Variants in TLN2 observed in about 807,000 individuals in gnomAD.
TLN2 encodes the protein talin 2.
A neutral mutation model predicts 294.7 loss-of-function variants in TLN2; 118 were observed. That is an observed-to-expected ratio of 0.40 (90% confidence interval 0.34 to 0.47). TLN2 has a LOEUF of 0.47. TLN2 is among the 20% of genes least tolerant of loss of function. TLN2 has a pLI of 0.84. For missense variants in TLN2, 3,083 were observed against 3,282.2 expected (o/e 0.94, Z 1.48); for synonymous variants, 1,431 against 1,304.5 (o/e 1.10, Z -2.09).
intron 1 of TLN2, among the ~76,000 whole-genome samples, chr15:62,467,688 A>G (rs1485950329): frequency 6.6e-6 from 1 of 152,178 alleles, no homozygotes; most frequent in East Asian, 1.9e-4. Flanking sequence ...CTGTCTCAAA[A>G]AAAAAATTAG....
At chr15:62,715,738 C>G (rs2059728303) in intron 22 of TLN2, among the ~76,000 whole-genome samples, 1 of 152,190 alleles carries the variant, frequency 6.6e-6, no homozygotes, top group African/African-American at 2.4e-5. Context: ...ACCATCTCGA[C>G]TTTATACTAG....
chr15:62,510,531 T>G (rs2039872656), intron 1 of TLN2, among the ~76,000 whole-genome samples: 1 of 152,240 alleles, frequency 6.6e-6, no homozygotes, highest in African/African-American at 2.4e-5. Context: ...ACATACTACT[T>G]TGAGCTGGGC....
chr15:62,699,776 G>A (rs561256571), intron 16 of TLN2, among the ~76,000 whole-genome samples: 22 of 152,344 alleles, frequency 1.4e-4, no homozygotes, highest in Non-Finnish European at 2.4e-4. Context: ...TGCTTTGTAC[G>A]TTAGAATCAT....
rs56986714 is a variant in TLN2 at position 62,551,513 on chromosome 15, TACACACACACACACACAC to T, written c.-237-38156_-237-38139del. Reference sequence around the variant, plus strand: ...AGTGAAAGCCAATCTCTACTAAAAATACACACACACACACACACACACACACACACACACAAATAGCCA... The same window carrying T: ...AGTGAAAGCCAATCTCTACTAAAAATACACACACACACACACAAATAGCCA... On this transcript the variant is annotated intron_variant, in intron 1 of 58. Transcript: ENST00000636159. 2.0e-5 allele frequency among the ~76,000 whole-genome samples: 3 copies of T among 146,986 alleles called. 1 individual carries two copies. Among genetic ancestry groups the T allele is most frequent in the African/African-American group, 7.6e-5 (3 of 39,668 alleles).
chr15:62,711,807 T>A lies in TLN2; in HGVS notation c.2468-104T>A, dbSNP rs1387383518. On this transcript the variant is annotated intron_variant, in intron 21 of 58. Coordinates refer to ENST00000636159, the MANE Select transcript of TLN2 (RefSeq NM_015059.3). ...GAGCATGGAGGTTCAGTTTTTTTGC[T>A]CCTGCTTACCAGAGGAGTAGAGACA... is the stretch of plus-strand genomic sequence containing the variant. 6 of 1,334,164 alleles carry A rather than the reference T, an allele frequency of 4.5e-6. No homozygotes were observed. In the Admixed American group the frequency reaches 1.5e-4, roughly 34 times the overall value. 82.6% of individuals were successfully genotyped at this position (1,334,164 alleles called of 1,614,324 possible).
At chr15:62,409,551 G>C (rs562365106) in intron 1 of TLN2, among the ~76,000 whole-genome samples, 1 of 152,212 alleles carries the variant, frequency 6.6e-6, no homozygotes, top group East Asian at 1.9e-4. Flanking sequence ...TTTTAAGATA[G>C]CCTTTTAAAA....
chr15:62,667,908 A>G (rs2140989854), intron 9 of TLN2, among the ~76,000 whole-genome samples: 1 of 152,374 alleles, frequency 6.6e-6, no homozygotes, highest in Non-Finnish European at 1.5e-5. Flanking sequence ...ACATGGATGG[A>G]CCTAGAGGAC....
chr15:62,586,526 T>C (rs943442676), intron 1 of TLN2, among the ~76,000 whole-genome samples: 1 of 152,226 alleles, frequency 6.6e-6, no homozygotes, highest in Non-Finnish European at 1.5e-5. Context: ...TCCTAAACTT[T>C]TACAAATAAA....
chr15:62,699,415 C>G (rs2058572413), intron 16 of TLN2, among the ~76,000 whole-genome samples: 1 of 151,726 alleles, frequency 6.6e-6, no homozygotes, highest in African/African-American at 2.4e-5. Flanking sequence ...TGGGTAGGGC[C>G]TGAGATTTTG....
rs1165208232 is a variant in TLN2 at position 62,630,261 on chromosome 15, A to G, written c.-37+11786A>G. Among the ~76,000 whole-genome samples the G allele has an allele frequency of 2.6e-5, 4 of 152,196 alleles. No homozygotes were observed. The East Asian group carries it at 5.8e-4, about 22-fold the overall frequency. ...TTAGGTATCAGAAGAGAGATCCAGA[A>G]AACAGACTTGGGTTTTAGACTAGAT... On this transcript the variant is annotated intron_variant, in intron 3 of 58. Transcript: ENST00000636159.
chr15:62,674,674 G>GT (rs1390154395), intron 10 of TLN2, among the ~76,000 whole-genome samples: 2 of 151,506 alleles, frequency 1.3e-5, no homozygotes, highest in Admixed American at 1.3e-4. Flanking sequence ...GCTAATTTTT[G>GT]TTTTTTCAGT....
intron 1 of TLN2, among the ~76,000 whole-genome samples, chr15:62,523,010 TC>T (rs1160977494): frequency 6.6e-6 from 1 of 150,690 alleles, no homozygotes; most frequent in African/African-American, 2.4e-5. Flanking sequence ...ACTTCCCTCT[TC>T]CCACCCCCGA....
At chr15:62,777,949 G>A (rs1316687444) in intron 43 of TLN2, among the ~76,000 whole-genome samples, 1 of 152,128 alleles carries the variant, frequency 6.6e-6, no homozygotes, top group African/African-American at 2.4e-5. Context: ...GCATCTAATT[G>A]CCATCCTGTG....
In TLN2 at chr15:62,412,828, C is replaced by T. The variant is rs1041259961; in HGVS notation, c.-238+22143C>T. Among the ~76,000 whole-genome samples the T allele has an allele frequency of 3.3e-5, 5 of 152,252 alleles. No homozygotes were observed. The East Asian group carries it at 7.7e-4, about 24-fold the overall frequency. ...TGCCAAATGGCTTGAAATAAGCGTC[C>T]GTGCACATTTCTGAAAAGACAATTA... is the stretch of plus-strand genomic sequence containing the variant. On this transcript the variant is annotated intron_variant, in intron 1 of 58. Coordinates refer to ENST00000636159, the MANE Select transcript of TLN2 (RefSeq NM_015059.3).
chr15:62,490,618 G>A (rs951363208), intron 1 of TLN2, among the ~76,000 whole-genome samples: 3 of 152,028 alleles, frequency 2.0e-5, no homozygotes, highest in Admixed American at 6.6e-5. Flanking sequence ...GGTATTAGCA[G>A]GAGCTTCTCG....
chr15:62,411,429 A>ATGTGTGTG (rs71125998), intron 1 of TLN2, among the ~76,000 whole-genome samples: 6,753 of 136,556 alleles, frequency 0.049, 212 homozygotes, highest in Middle Eastern at 0.065. Context: ...TGAGTAATGG[A>ATGTGTGTG]TGTGTGTGTG....
intron 46 of TLN2, among the ~76,000 whole-genome samples, chr15:62,793,661 A>T (rs190332393): frequency 6.6e-6 from 1 of 151,716 alleles, no homozygotes. Context: ...TAGCTCTTCT[A>T]TTCTCCCCCA....
intron 1 of TLN2, among the ~76,000 whole-genome samples, chr15:62,480,750 C>G (rs144568057): frequency 7.9e-5 from 12 of 152,038 alleles, no homozygotes; most frequent in African/African-American, 2.9e-4. Context: ...CTCATTGTGC[C>G]GGGATGTACT....
intron 28 of TLN2, 119 bp downstream of exon 28, chr15:62,727,308 C>T (rs377622595): frequency 5.4e-5 from 48 of 882,776 alleles, no homozygotes; most frequent in Admixed American, 1.8e-4. Flanking sequence ...AGCAGTTCAC[C>T]GTATATTTTT....
Sources: allele counts gnomAD v4.1 joint callset (sites outside exome capture counted in the v4.1 genomes callset), GRCh38; gene constraint gnomAD v4.1.1; transcripts MANE v1.5; gene names NCBI Gene and HGNC (gene_info 2026-07-23, HGNC 2026-07-21).